NELL2: variants seen among roughly 807,000 people sequenced by gnomAD.
NELL2 encodes the protein protein kinase C-binding protein NELL2.
NELL2 carries 41 observed loss-of-function variants against 109.6 expected under a neutral mutation model. The observed-to-expected ratio is 0.37, with a 90% CI of 0.29 to 0.49. The LOEUF (loss-of-function observed/expected upper bound fraction) is 0.49, where lower values mean the gene tolerates loss of function less well. NELL2 is among the 20% of genes least tolerant of loss of function. The pLI is 0.98. For missense variants in NELL2, 900 were observed against 1,008.3 expected (o/e 0.89, Z 1.45); for synonymous variants, 355 against 344.7 (o/e 1.03, Z -0.33).
At chr12:44,703,934 T>C (rs1937704506) in intron 11 of NELL2, 80 bp from the exon 12 acceptor site, 1 of 1,282,012 alleles carries the variant, frequency 7.8e-7, no homozygotes, top group South Asian at 1.5e-5. Context: ...TTTTCTTTAA[T>C]TTTGAAGCTA....
intron 15 of NELL2, among the ~76,000 whole-genome samples, chr12:44,546,931 C>G (rs1289599602): frequency 3.9e-5 from 6 of 152,180 alleles, no homozygotes; most frequent in African/African-American, 1.2e-4. Flanking sequence ...AGTTGTTTGG[C>G]TGCTAACTGC....
At chr12:44,527,803 A>C (rs1039006947) in intron 16 of NELL2, among the ~76,000 whole-genome samples, 12 of 151,386 alleles carry the variant, frequency 7.9e-5, no homozygotes, top group Non-Finnish European at 1.6e-4. Flanking sequence ...CTTTTAAAAA[A>C]CTCCTTCATG....
intron 9 of NELL2, among the ~76,000 whole-genome samples, chr12:44,739,948 T>A (rs1939861637): frequency 6.6e-6 from 1 of 152,196 alleles, no homozygotes; most frequent in Non-Finnish European, 1.5e-5. Flanking sequence ...GATCATTCAT[T>A]TTCATTTTCA....
At position 44,817,940 on chromosome 12, in the gene NELL2, G is replaced by C. The variant is rs1592593549; in HGVS notation, c.185-1804C>G. Among the ~76,000 whole-genome samples the C allele has an allele frequency of 2.0e-5, 3 of 152,220 alleles. 1 individual carries two copies. In the East Asian group the frequency reaches 5.8e-4, roughly 29 times the overall value. On this transcript the variant is annotated intron_variant, in intron 2 of 19. Transcript: ENST00000429094. The stretch of plus-strand genomic sequence containing the variant: ...TCCCTGTGCACAGTAATCAGATCAG[G>C]AACAGGCACCTAACCCAAGTTAACG...
At chr12:44,596,915 T>G (rs1395784913) in intron 15 of NELL2, among the ~76,000 whole-genome samples, 5 of 152,202 alleles carry the variant, frequency 3.3e-5, no homozygotes, top group African/African-American at 1.2e-4. Flanking sequence ...ATTATTACAC[T>G]AAATGCCCTT....
chr12:44,659,310 CAAAAGCA>C (rs1387847746), intron 13 of NELL2, among the ~76,000 whole-genome samples: 1 of 152,062 alleles, frequency 6.6e-6, no homozygotes, highest in Non-Finnish European at 1.5e-5. Context: ...ACTAAAACAC[CAAAAGCA>C]ATGGTAACAA....
intron 9 of NELL2, among the ~76,000 whole-genome samples, chr12:44,751,501 T>C (rs571622030): frequency 1.3e-5 from 2 of 152,288 alleles, no homozygotes; most frequent in South Asian, 4.1e-4. Flanking sequence ...GTATTACATT[T>C]CAACTTCATT....
intron 2 of NELL2, among the ~76,000 whole-genome samples, chr12:44,849,174 C>T (rs574191261): frequency 6.6e-5 from 10 of 151,966 alleles, no homozygotes; most frequent in African/African-American, 2.4e-4. Context: ...AACCACAAAA[C>T]AAAAAATAAT....
chr12:44,641,194 T>A (rs1946841655), intron 13 of NELL2, among the ~76,000 whole-genome samples: 1 of 152,120 alleles, frequency 6.6e-6, no homozygotes, highest in South Asian at 2.1e-4. Context: ...AAGGGAAAAA[T>A]CTGTACGTAC....
chr12:44,676,889 A>G (rs904259420), intron 12 of NELL2, among the ~76,000 whole-genome samples: 27 of 152,290 alleles, frequency 1.8e-4, no homozygotes, highest in African/African-American at 6.5e-4. Context: ...AGGTACTATA[A>G]TAACTTAGAT....
Position 44,888,553 on chromosome 12 carries a change from CA to C in NELL2, c.39-12654del, listed in dbSNP as rs150448600. Among the ~76,000 whole-genome samples, 266 of 151,250 alleles carry C rather than the reference CA, an allele frequency of 1.8e-3. 2 individuals are homozygous for C. Among genetic ancestry groups the C allele is most frequent in the African/African-American group, 6.4e-3 (263 of 41,070 alleles). ...ACTATAATGAATAACTGTACATCAA[CA>C]AACTGTAAAACCTAAAAATAAAGAA... On this transcript the variant is annotated intron_variant, in intron 1 of 20. Coordinates refer to the NELL2 transcript ENST00000333837.
intron 10 of NELL2, among the ~76,000 whole-genome samples, chr12:44,714,334 C>G (rs1399911174): frequency 2.6e-5 from 4 of 151,882 alleles, no homozygotes; most frequent in East Asian, 1.9e-4. Context: ...TGACAAAAAG[C>G]TAAGTCTAAC....
At chr12:44,716,527 T>G (rs749499343) in intron 9 of NELL2, among the ~76,000 whole-genome samples, 23 of 152,154 alleles carry the variant, frequency 1.5e-4, no homozygotes, top group Non-Finnish European at 2.8e-4. Context: ...CATGATTGAT[T>G]GCAAAATTTA....
intron 1 of NELL2, among the ~76,000 whole-genome samples, chr12:44,901,198 T>A (rs1477443491): frequency 6.6e-6 from 1 of 151,670 alleles, no homozygotes; most frequent in Non-Finnish European, 1.5e-5. Flanking sequence ...ATAGACACAA[T>A]AAAAAATGAT....
chr12:44,608,123 G>C (rs1371077125), intron 14 of NELL2, among the ~76,000 whole-genome samples: 1 of 152,038 alleles, frequency 6.6e-6, no homozygotes, highest in Non-Finnish European at 1.5e-5. Context: ...CTTATTCTTT[G>C]GCTCTGTAAG....
At chr12:44,780,542 C>T (rs1434929018) in intron 3 of NELL2, among the ~76,000 whole-genome samples, 1 of 151,696 alleles carries the variant, frequency 6.6e-6, no homozygotes, top group Admixed American at 6.6e-5. Context: ...TCAGAGAAGG[C>T]CAAGTTTAGA....
At chr12:44,875,791 A>G in intron 1 of NELL2, 24 bp downstream of exon 1, 1 of 1,612,894 alleles carries the variant, frequency 6.2e-7, no homozygotes, top group African/African-American at 1.3e-5. Context: ...CCCTTTCCCC[A>G]GCCCCAGCTC....
chr12:44,686,062 A>G (rs375502372), intron 12 of NELL2, among the ~76,000 whole-genome samples: 30 of 152,292 alleles, frequency 2.0e-4, no homozygotes, highest in Middle Eastern at 3.4e-3. Flanking sequence ...CCAATCAGAC[A>G]TAGATTTGGT....
At chr12:44,801,606 T>C (rs1942831712) in intron 3 of NELL2, among the ~76,000 whole-genome samples, 1 of 152,036 alleles carries the variant, frequency 6.6e-6, no homozygotes, top group East Asian at 1.9e-4. Flanking sequence ...TCTCTCAGGG[T>C]CCCATTTCCT....
Sources: gnomAD v4.1 joint callset for allele counts (sites outside exome capture counted in the v4.1 genomes callset) on GRCh38, gnomAD v4.1.1 for gene constraint, MANE v1.5 for transcripts, NCBI Gene and HGNC (gene_info 2026-07-23, HGNC 2026-07-21) for gene names.